Variants in MTA3 observed in about 807,000 individuals in gnomAD.
The protein encoded by MTA3 is metastasis-associated protein MTA3.
In MTA3, 34 loss-of-function variants were observed where a neutral mutation model predicts 83.5. The observed-to-expected ratio is 0.41, with a 90% CI of 0.31 to 0.54. The LOEUF is 0.54. Ranked by LOEUF, MTA3 falls within the 20% of genes least tolerant of loss-of-function variation. The pLI is 0.33. For synonymous variants in MTA3, 303 were observed against 252.7 expected (o/e 1.20, Z -1.89); for missense variants, 761 against 726.4 (o/e 1.05, Z -0.55).
At chr2:42,645,249 G>GT (rs1688068721) in intron 6 of MTA3, among the ~76,000 whole-genome samples, 1 of 151,774 alleles carries the variant, frequency 6.6e-6, no homozygotes, top group South Asian at 2.1e-4. Context: ...AACAGGCTGG[G>GT]TGCAGTGGCT....
intron 7 of MTA3, 27 bp from the exon 8 acceptor site, chr2:42,659,736 T>C: frequency 1.4e-6 from 2 of 1,478,126 alleles, no homozygotes; most frequent in Non-Finnish European, 1.8e-6. Context: ...ACTTAATTCT[T>C]CCTTATTGTG....
At position 42,753,459 on chromosome 2, in the gene MTA3, G is replaced by T. The variant is rs1312576313; in HGVS notation, c.*60G>T. 5.8e-6 allele frequency: 9 copies of T among 1,549,720 alleles called. No individual in the cohort carries two copies. The Admixed American group carries it at 5.9e-5, about 10-fold the overall frequency. ...CTGCACTGTCCTGCTGATGTTCACA[G>T]CCGTGCCTGGGAAGAAGGCAGCCCC... is the stretch of plus-strand genomic sequence containing the variant. On this transcript the variant is annotated 3_prime_UTR_variant, in exon 17 of 17. Coordinates refer to ENST00000405094, the MANE Select transcript of MTA3 (RefSeq NM_001330442.2).
At chr2:42,716,950 A>G (rs758197817) in intron 14 of MTA3, among the ~76,000 whole-genome samples, 1 of 152,128 alleles carries the variant, frequency 6.6e-6, no homozygotes, top group African/African-American at 2.4e-5. Flanking sequence ...TCAACCGTGT[A>G]TAGCATTTCT....
chr2:42,656,598 C>A (rs1208199918), intron 7 of MTA3, among the ~76,000 whole-genome samples: 2 of 152,088 alleles, frequency 1.3e-5, no homozygotes, highest in Non-Finnish European at 2.9e-5. Context: ...AAAGAGTCAT[C>A]CTTTTTACTT....
intron 3 of MTA3, among the ~76,000 whole-genome samples, chr2:42,603,213 A>G (rs1558484502): frequency 6.6e-6 from 1 of 150,916 alleles, no homozygotes; most frequent in Non-Finnish European, 1.5e-5. Flanking sequence ...GTGAAAGTTT[A>G]GTTTTTACCC....
At chr2:42,735,064 A>C in intron 16 of MTA3, among the ~76,000 whole-genome samples, 1 of 152,118 alleles carries the variant, frequency 6.6e-6, no homozygotes, top group Non-Finnish European at 1.5e-5. Context: ...TAAGTTTTGT[A>C]CCTTCAGATC....
At chr2:42,579,761 G>A (rs1483418666) in intron 3 of MTA3, among the ~76,000 whole-genome samples, 1 of 152,014 alleles carries the variant, frequency 6.6e-6, no homozygotes, top group Non-Finnish European at 1.5e-5. Flanking sequence ...ATGTTGCCCA[G>A]GCTGGTCTTG....
At chr2:42,673,100 C>G (rs971540251) in intron 8 of MTA3, among the ~76,000 whole-genome samples, 3 of 151,864 alleles carry the variant, frequency 2.0e-5, no homozygotes, top group Non-Finnish European at 4.4e-5. Context: ...ACCCCCGCCC[C>G]CCTCTGACCT....
intron 2 of MTA3, among the ~76,000 whole-genome samples, chr2:42,560,758 T>C (rs1677638865): frequency 6.6e-6 from 1 of 151,082 alleles, no homozygotes; most frequent in South Asian, 2.1e-4. Flanking sequence ...AAAAAAAAAT[T>C]AGCGGGGATA....
chr2:42,518,267 G>C (rs1675249436), intron 2 of MTA3, among the ~76,000 whole-genome samples: 1 of 152,098 alleles, frequency 6.6e-6, no homozygotes, highest in Non-Finnish European at 1.5e-5. Flanking sequence ...TCCAATAAAA[G>C]GAACTAGGGC....
At chr2:42,629,227 A>C (rs1686432955) in intron 4 of MTA3, among the ~76,000 whole-genome samples, 1 of 151,792 alleles carries the variant, frequency 6.6e-6, no homozygotes, top group African/African-American at 2.4e-5. Flanking sequence ...TTACAGGTGC[A>C]CGCCACTATG....
At chr2:42,586,477 AACACACACACAC>A (rs573814961) in intron 3 of MTA3, among the ~76,000 whole-genome samples, 78 of 72,712 alleles carry the variant, frequency 1.1e-3, no homozygotes, top group African/African-American at 4.3e-3. Context: ...AAGGAAGGAA[AACACACACACAC>A]ACACACACAC....
At chr2:42,610,604 A>C (rs944868952) in intron 4 of MTA3, among the ~76,000 whole-genome samples, 1 of 152,212 alleles carries the variant, frequency 6.6e-6, no homozygotes, top group Non-Finnish European at 1.5e-5. Context: ...TGGTGATCAA[A>C]TTTAAGATAT....
intron 7 of MTA3, among the ~76,000 whole-genome samples, chr2:42,656,623 C>G (rs1051616011): frequency 1.2e-4 from 19 of 152,106 alleles, no homozygotes; most frequent in Non-Finnish European, 5.9e-5. Flanking sequence ...TAGCTTTACT[C>G]TAGACATGGA....
intron 2 of MTA3, among the ~76,000 whole-genome samples, chr2:42,561,416 G>A (rs1282178757): frequency 2.0e-5 from 3 of 151,732 alleles, no homozygotes; most frequent in Admixed American, 6.6e-5. Flanking sequence ...TCCATCTCCC[G>A]GGTTCAAGCG....
At chr2:42,725,954 C>T (rs1667782083) in intron 16 of MTA3, among the ~76,000 whole-genome samples, 1 of 152,188 alleles carries the variant, frequency 6.6e-6, no homozygotes, top group East Asian at 1.9e-4. Context: ...TGGACCTTTT[C>T]ATTGGGATAA....
At chr2:42,563,778 T>A (rs1353429779), upstream of MTA3, among the ~76,000 whole-genome samples, 2 of 69,952 alleles carry the variant, frequency 2.9e-5, no homozygotes, top group African/African-American at 5.1e-5. Context: ...GACCAAACAT[T>A]CCTTCCTTCC....
chr2:42,521,751 CTTT>C (rs35664371), intron 2 of MTA3, among the ~76,000 whole-genome samples: 8 of 106,386 alleles, frequency 7.5e-5, no homozygotes, highest in Admixed American at 1.1e-4. Context: ...ATCTTTCTCT[CTTT>C]TTTTTTTTTT....
chr2:42,523,474 A>C (rs1158686596), intron 2 of MTA3, among the ~76,000 whole-genome samples: 1 of 152,190 alleles, frequency 6.6e-6, no homozygotes, highest in Non-Finnish European at 1.5e-5. Context: ...ATGAAGAAGA[A>C]AGAGCTACAA....
Sources: allele counts gnomAD v4.1 joint callset (sites outside exome capture counted in the v4.1 genomes callset), GRCh38; gene constraint gnomAD v4.1.1; transcripts MANE v1.5; gene names NCBI Gene and HGNC (gene_info 2026-07-23, HGNC 2026-07-21).